LMLN: variants seen among roughly 807,000 people sequenced by gnomAD.
The protein encoded by LMLN is leishmanolysin-like peptidase.
In LMLN, 70 loss-of-function variants were observed where a neutral mutation model predicts 92.3. The observed-to-expected ratio is 0.76, with a 90% confidence interval of 0.63 to 0.92. LMLN has a LOEUF of 0.92. LMLN is among the 40% of genes least tolerant of loss of function. The probability of loss-of-function intolerance (pLI) is 0.00; values close to 1 mark genes in which losing one functional copy is unlikely to be tolerated. For missense variants in LMLN, 691 were observed against 814.6 expected, an observed-to-expected ratio of 0.85 and a Z score of 1.85; for synonymous variants, 308 against 296.2, an observed-to-expected ratio of 1.04 and a Z score of -0.41.
exon 6 of LMLN, chr3:197,980,502 C>G: frequency 6.2e-7 from 1 of 1,611,194 alleles, no homozygotes; most frequent in Non-Finnish European, 8.5e-7. Flanking sequence ...CAAACATGGA[C>G]AGGTAATCTT....
At chr3:198,027,945 T>C (rs964290631) in intron 14 of LMLN, among the ~76,000 whole-genome samples, 1 of 152,212 alleles carries the variant, frequency 6.6e-6, no homozygotes, top group Non-Finnish European at 1.5e-5. Flanking sequence ...TTTGTTGTTG[T>C]TGTTGAGGGG....
chr3:198,038,016 C>T (rs1723281066), intron 15 of LMLN, among the ~76,000 whole-genome samples: 1 of 147,942 alleles, frequency 6.8e-6, no homozygotes, highest in South Asian at 2.1e-4. Context: ...TGGTCCTGTC[C>T]CTTGCCTCCT....
At chr3:198,014,439 CCTAA>C (rs1238565122) in intron 11 of LMLN, among the ~76,000 whole-genome samples, 8 of 126,104 alleles carry the variant, frequency 6.3e-5, no homozygotes, top group African/African-American at 2.4e-4. Flanking sequence ...TTCAGAGCCC[CCTAA>C]CTAGTCTGAC....
intron 11 of LMLN, among the ~76,000 whole-genome samples, chr3:198,008,162 T>C (rs530898730): frequency 2.6e-5 from 4 of 152,350 alleles, no homozygotes; most frequent in South Asian, 4.1e-4. Flanking sequence ...TTTGTTTCTA[T>C]ATTTGTGACG....
chr3:197,968,896 C>T (rs1350923321), intron 1 of LMLN, among the ~76,000 whole-genome samples: 1 of 152,152 alleles, frequency 6.6e-6, no homozygotes, highest in African/African-American at 2.4e-5. Flanking sequence ...TTGGACTATT[C>T]AGGTTATTTA....
At chr3:198,010,876 A>G (rs1266250586) in intron 11 of LMLN, among the ~76,000 whole-genome samples, 1 of 152,198 alleles carries the variant, frequency 6.6e-6, no homozygotes, top group Non-Finnish European at 1.5e-5. Context: ...CACAAATTCC[A>G]ATATGTTATA....
intron 11 of LMLN, among the ~76,000 whole-genome samples, chr3:198,014,889 C>G (rs1394173747): frequency 7.7e-4 from 103 of 134,328 alleles, no homozygotes; most frequent in African/African-American, 1.1e-3. Context: ...AGCCCCCTAC[C>G]TAGTCTGACT....
intron 14 of LMLN, among the ~76,000 whole-genome samples, chr3:198,027,326 GA>G (rs1195487578): frequency 6.6e-6 from 1 of 152,112 alleles, no homozygotes; most frequent in African/African-American, 2.4e-5. Flanking sequence ...TGAGGAAGGG[GA>G]AAGGAGAAAG....
chr3:198,029,959 C>T (rs1257959136), intron 14 of LMLN, among the ~76,000 whole-genome samples: 2 of 152,044 alleles, frequency 1.3e-5, no homozygotes, highest in Admixed American at 6.6e-5. Flanking sequence ...TCTCCTGCCT[C>T]AGCCTCCCAA....
exon 6 of LMLN, chr3:197,980,475 C>T (rs1420054536): frequency 6.2e-6 from 10 of 1,613,654 alleles, no homozygotes; most frequent in Non-Finnish European, 8.5e-6. Flanking sequence ...CTTATGCAGC[C>T]TATTGTCAGC....
chr3:197,974,973 G>T (rs1312271405), intron 2 of LMLN, 69 bp from the exon 3 acceptor site: 28 of 1,057,382 alleles, frequency 2.6e-5, no homozygotes, highest in Non-Finnish European at 2.9e-5. Flanking sequence ...CATTTTTATG[G>T]TTATTTCTTG....
At chr3:198,014,204 C>T (rs561136037) in intron 11 of LMLN, among the ~76,000 whole-genome samples, 24 of 148,516 alleles carry the variant, frequency 1.6e-4, no homozygotes, top group South Asian at 6.5e-4. Flanking sequence ...CTTCTCTGTA[C>T]CCTTCAGAGC....
chr3:197,976,168 C>T (rs781384165), intron 4 of LMLN, 57 bp downstream of exon 4: 53 of 1,049,646 alleles, frequency 5.0e-5, no homozygotes, highest in Middle Eastern at 2.1e-4. Flanking sequence ...CTGCCTTTCT[C>T]GTTCTATGAA....
intron 6 of LMLN, 59 bp from the exon 7 acceptor site, chr3:197,983,883 TA>T: frequency 8.8e-7 from 1 of 1,137,438 alleles, no homozygotes; most frequent in Non-Finnish European, 1.3e-6. Flanking sequence ...GATGGAGAAG[TA>T]AATGTTAATA....
At chr3:197,969,710 T>C (rs899657174) in intron 1 of LMLN, among the ~76,000 whole-genome samples, 5 of 152,238 alleles carry the variant, frequency 3.3e-5, no homozygotes, top group Non-Finnish European at 5.9e-5. Flanking sequence ...GACTACAATA[T>C]ATGTAGTGTA....
intron 9 of LMLN, among the ~76,000 whole-genome samples, chr3:197,992,802 C>G (rs1193671839): frequency 6.6e-6 from 1 of 151,930 alleles, no homozygotes; most frequent in Non-Finnish European, 1.5e-5. Flanking sequence ...CAGCAATACT[C>G]TAATAACAAA....
intron 7 of LMLN, among the ~76,000 whole-genome samples, chr3:197,985,206 G>C (rs1721670464): frequency 6.6e-6 from 1 of 151,998 alleles, no homozygotes; most frequent in African/African-American, 2.4e-5. Context: ...CATCTTTTCA[G>C]CTCTGGTCCA....
At chr3:198,010,667 T>C (rs1560148788) in intron 11 of LMLN, among the ~76,000 whole-genome samples, 1 of 152,052 alleles carries the variant, frequency 6.6e-6, no homozygotes, top group Non-Finnish European at 1.5e-5. Flanking sequence ...CTCAGGCTAG[T>C]CTTGAACTCC....
intron 11 of LMLN, 43 bp downstream of exon 11, chr3:197,999,385 T>C (rs1242736596): frequency 1.5e-6 from 2 of 1,311,140 alleles, no homozygotes; most frequent in African/African-American, 2.9e-5. Flanking sequence ...CTTATGAAAA[T>C]GAAATTAATA....
Sources: gnomAD v4.1 joint callset for allele counts (sites outside exome capture counted in the v4.1 genomes callset) on GRCh38, gnomAD v4.1.1 for gene constraint, MANE v1.5 for transcripts, NCBI Gene and HGNC (gene_info 2026-07-23, HGNC 2026-07-21) for gene names.